The following MAGI2 variants were observed in gnomAD, a reference collection of about 807,000 sequenced individuals.
MAGI2 encodes membrane associated guanylate kinase, WW and PDZ domain containing 2.
Under a neutral mutation model 133.3 loss-of-function variants are expected in MAGI2, and 35 were observed. The ratio of observed to expected loss-of-function variants is 0.26; its 90% CI spans 0.20 to 0.35. MAGI2 has a LOEUF of 0.35. Ranked by LOEUF, MAGI2 falls within the 10% of genes least tolerant of loss-of-function variation. The pLI is 1.00. For missense variants in MAGI2, 1,636 were observed against 1,863.4 expected (o/e 0.88, Z 2.25); for synonymous variants, 729 against 710.6 (o/e 1.03, Z -0.41).
At chr7:78,101,936 A>G (rs1042738148) in intron 20 of MAGI2, among the ~76,000 whole-genome samples, 11 of 152,224 alleles carry the variant, frequency 7.2e-5, no homozygotes, top group Non-Finnish European at 1.2e-4. Flanking sequence ...CATATTCACA[A>G]TAGCCAAGAT....
At chr7:78,811,329 G>C (rs1183311109) in intron 2 of MAGI2, among the ~76,000 whole-genome samples, 1 of 151,962 alleles carries the variant, frequency 6.6e-6, no homozygotes, top group Non-Finnish European at 1.5e-5. Context: ...GACCTAAGAA[G>C]ATGCTGATAG....
intron 2 of MAGI2, among the ~76,000 whole-genome samples, chr7:78,673,766 A>G (rs181093092): frequency 1.3e-5 from 2 of 152,204 alleles, no homozygotes; most frequent in Non-Finnish European, 2.9e-5. Context: ...TCTCATCCAA[A>G]AACACCCTCA....
intron 1 of MAGI2, among the ~76,000 whole-genome samples, chr7:79,094,512 A>G (rs1469755508): frequency 6.6e-6 from 1 of 152,254 alleles, no homozygotes; most frequent in Non-Finnish European, 1.5e-5. Context: ...TGTTAATAAC[A>G]TTTAGAGTGG....
chr7:78,095,117 G>A (rs1277712697), intron 20 of MAGI2, among the ~76,000 whole-genome samples: 1 of 152,190 alleles, frequency 6.6e-6, no homozygotes, highest in Non-Finnish European at 1.5e-5. Flanking sequence ...TTTGTGCCAG[G>A]TCATGTTAGA....
intron 3 of MAGI2, among the ~76,000 whole-genome samples, chr7:78,531,434 G>A (rs1041029118): frequency 1.3e-5 from 2 of 151,980 alleles, no homozygotes; most frequent in Non-Finnish European, 2.9e-5. Context: ...GGATGGTCTC[G>A]ATCTCTTGAC....
intron 1 of MAGI2, among the ~76,000 whole-genome samples, chr7:79,216,588 G>C (rs956077500): frequency 9.2e-5 from 14 of 152,012 alleles, no homozygotes; most frequent in Admixed American, 9.2e-4. Context: ...GCCCAAAAAA[G>C]CTTGCCCAGA....
Position 78,473,806 on chromosome 7 carries a change from C to G in MAGI2, c.1045+15955G>C, listed in dbSNP as rs184420794. ...CTTCCTCATTCCAAATAAACTCACTCATAGAAAGCTCTAAGTCAGACACAG... is the reference window on the plus strand; with the variant it reads ...CTTCCTCATTCCAAATAAACTCACTGATAGAAAGCTCTAAGTCAGACACAG... On this transcript the variant is annotated intron_variant, in intron 6 of 21. Coordinates refer to ENST00000354212, the MANE Select transcript of MAGI2 (RefSeq NM_012301.4). Among the ~76,000 whole-genome samples, 15 of 152,148 alleles carry G rather than the reference C, an allele frequency of 9.9e-5. No homozygotes were observed. The East Asian group carries it at 2.3e-3, about 24-fold the overall frequency.
intron 1 of MAGI2, among the ~76,000 whole-genome samples, chr7:79,229,455 A>G (rs574523657): frequency 8.5e-5 from 13 of 152,300 alleles, no homozygotes; most frequent in East Asian, 1.9e-4. Flanking sequence ...TGAGTCAAAC[A>G]CATTTTCAGA....
At chr7:79,284,123 G>C (rs1396757740) in intron 1 of MAGI2, among the ~76,000 whole-genome samples, 1 of 152,064 alleles carries the variant, frequency 6.6e-6, no homozygotes, top group Non-Finnish European at 1.5e-5. Context: ...ATCACCTAAT[G>C]ATGCATTTTT....
At chr7:79,402,787 C>T (rs1419111506) in intron 1 of MAGI2, among the ~76,000 whole-genome samples, 1 of 152,104 alleles carries the variant, frequency 6.6e-6, no homozygotes, top group Non-Finnish European at 1.5e-5. Context: ...CATAGCAAGA[C>T]CCCATCTCTA....
intron 9 of MAGI2, among the ~76,000 whole-genome samples, chr7:78,302,909 C>T (rs1050285114): frequency 2.0e-5 from 3 of 152,132 alleles, no homozygotes; most frequent in Non-Finnish European, 4.4e-5. Flanking sequence ...TCTATTCCTT[C>T]AGGAACCAAG....
chr7:79,061,996 T>C (rs979473498), intron 1 of MAGI2, among the ~76,000 whole-genome samples: 11 of 152,110 alleles, frequency 7.2e-5, no homozygotes, highest in Non-Finnish European at 1.2e-4. Flanking sequence ...ACACATGAAA[T>C]CCACAATACA....
chr7:79,140,007 G>T (rs1821967271), intron 1 of MAGI2: 1 of 152,188 alleles, frequency 6.6e-6, no homozygotes, highest in Admixed American at 6.5e-5. Flanking sequence ...CCACTTGGGA[G>T]CCAGCAGCTT....
At chr7:78,867,608 G>A (rs1378106098) in intron 2 of MAGI2, among the ~76,000 whole-genome samples, 1 of 151,060 alleles carries the variant, frequency 6.6e-6, no homozygotes, top group East Asian at 2.0e-4. Context: ...AAGTTAGTGG[G>A]TGCAGCACAC....
At chr7:79,030,717 T>C (rs1228992291) in intron 1 of MAGI2, among the ~76,000 whole-genome samples, 1 of 152,202 alleles carries the variant, frequency 6.6e-6, no homozygotes, top group Non-Finnish European at 1.5e-5. Flanking sequence ...TGATTTTATC[T>C]TCCACTTAAA....
chr7:79,284,840 G>A (rs764691970), intron 1 of MAGI2, among the ~76,000 whole-genome samples: 1 of 151,870 alleles, frequency 6.6e-6, no homozygotes, highest in Non-Finnish European at 1.5e-5. Context: ...GAAGATAAAG[G>A]GTGCTATTTG....
chr7:78,948,481 TG>T (rs1158858448), intron 2 of MAGI2, among the ~76,000 whole-genome samples: 1 of 152,116 alleles, frequency 6.6e-6, no homozygotes, highest in Non-Finnish European at 1.5e-5. Context: ...TTTGGTTCAC[TG>T]GAACTGTCAC....
At chr7:78,626,033 G>T (rs1808304321) in intron 3 of MAGI2, among the ~76,000 whole-genome samples, 1 of 152,120 alleles carries the variant, frequency 6.6e-6, no homozygotes, top group South Asian at 2.1e-4. Flanking sequence ...GGAGAAAGTA[G>T]AGGGCCCAAC....
chr7:79,018,456 T>C (rs188341334), intron 1 of MAGI2, among the ~76,000 whole-genome samples: 2 of 152,230 alleles, frequency 1.3e-5, no homozygotes, highest in Non-Finnish European at 2.9e-5. Flanking sequence ...TTTAAGTACA[T>C]AGACTAGTGA....
Sources: allele counts gnomAD v4.1 joint callset (sites outside exome capture counted in the v4.1 genomes callset), GRCh38; gene constraint gnomAD v4.1.1; transcripts MANE v1.5; gene names NCBI Gene and HGNC (gene_info 2026-07-23, HGNC 2026-07-21).